The following CHST9 variants were observed in gnomAD, a reference collection of about 807,000 sequenced individuals.
CHST9 encodes the protein GalNAc-4-sulfotransferase 2.
Under a neutral mutation model 44.4 loss-of-function variants are expected in CHST9, and 41 were observed. The ratio of observed to expected loss-of-function variants is 0.92; its 90% CI spans 0.72 to 1.20. The LOEUF is 1.20. Ranked by LOEUF, CHST9 falls within the 50% of genes most tolerant of loss-of-function variation. The probability of loss-of-function intolerance (pLI) is 0.00; values close to 1 mark genes in which losing one functional copy is unlikely to be tolerated. For synonymous variants in CHST9, 171 were observed against 178.4 expected, an observed-to-expected ratio of 0.96 and a Z score of 0.33; for missense variants, 504 against 516.5, an observed-to-expected ratio of 0.98 and a Z score of 0.23.
chr18:27,022,783 G>A (rs2057241061), intron 4 of CHST9, among the ~76,000 whole-genome samples: 1 of 152,186 alleles, frequency 6.6e-6, no homozygotes, highest in African/African-American at 2.4e-5. Flanking sequence ...ATTTAACAGT[G>A]TATTCTGTGC....
intron 5 of CHST9, among the ~76,000 whole-genome samples, chr18:26,917,833 C>T (rs1048989366): frequency 4.0e-5 from 6 of 151,674 alleles, no homozygotes; most frequent in African/African-American, 1.5e-4. Flanking sequence ...TTATAAATCT[C>T]GATGACCACT....
At chr18:27,101,503 CG>C (rs1444512572) in intron 2 of CHST9, among the ~76,000 whole-genome samples, 2 of 39,716 alleles carry the variant, frequency 5.0e-5, no homozygotes, top group Admixed American at 3.3e-4. Context: ...TGAGGGTGGG[CG>C]GGGGCTGAGG....
intron 2 of CHST9, among the ~76,000 whole-genome samples, chr18:27,098,660 G>A (rs906350838): frequency 3.3e-5 from 5 of 152,070 alleles, no homozygotes; most frequent in African/African-American, 1.2e-4. Context: ...CAGGAACATG[G>A]ATGAAGCTAG....
intron 4 of CHST9, among the ~76,000 whole-genome samples, chr18:27,004,637 T>A (rs1430480039): frequency 2.0e-5 from 3 of 152,166 alleles, no homozygotes; most frequent in Non-Finnish European, 4.4e-5. Context: ...TGCCCCCTAG[T>A]GACAAGGTCC....
intron 1 of CHST9, among the ~76,000 whole-genome samples, chr18:27,143,239 T>A (rs1394330572): frequency 6.6e-6 from 1 of 152,124 alleles, no homozygotes; most frequent in Non-Finnish European, 1.5e-5. Context: ...AATAACAGAA[T>A]GGGTTGTTAA....
At chr18:26,965,246 A>G (rs1215501184) in intron 4 of CHST9, among the ~76,000 whole-genome samples, 1 of 152,186 alleles carries the variant, frequency 6.6e-6, no homozygotes, top group African/African-American at 2.4e-5. Context: ...GCGGCCTGCA[A>G]TGTGTTTCAT....
intron 1 of CHST9, among the ~76,000 whole-genome samples, chr18:27,163,578 T>C (rs1598771465): frequency 6.6e-6 from 1 of 152,172 alleles, no homozygotes; most frequent in South Asian, 2.1e-4. Flanking sequence ...GTGCTAGCAA[T>C]GAGCGAGGCT....
chr18:27,018,741 TCTAA>T (rs772125196), intron 4 of CHST9, among the ~76,000 whole-genome samples: 4 of 152,212 alleles, frequency 2.6e-5, no homozygotes, highest in Non-Finnish European at 5.9e-5. Context: ...CAGAAAAGTC[TCTAA>T]CTATCCTTTC....
At chr18:27,162,968 G>A (rs1359436020) in intron 1 of CHST9, among the ~76,000 whole-genome samples, 1 of 152,110 alleles carries the variant, frequency 6.6e-6, no homozygotes, top group Non-Finnish European at 1.5e-5. Flanking sequence ...CTTTGATGAT[G>A]GTGACGTACA....
chr18:26,920,935 C>A (rs170801), intron 5 of CHST9, among the ~76,000 whole-genome samples: 42,728 of 152,046 alleles, frequency 0.28, 6,272 homozygotes, highest in East Asian at 0.48. Context: ...GCCAGCAATC[C>A]GGATTTCCAG....
intron 1 of CHST9, among the ~76,000 whole-genome samples, chr18:27,154,804 C>T (rs148525805): frequency 1.3e-5 from 2 of 151,938 alleles, no homozygotes; most frequent in South Asian, 4.2e-4. Context: ...TCTATGTGGT[C>T]GGGTGTGGTG....
At chr18:27,012,954 C>T (rs2057103295) in intron 4 of CHST9, among the ~76,000 whole-genome samples, 1 of 152,102 alleles carries the variant, frequency 6.6e-6, no homozygotes, top group African/African-American at 2.4e-5. Flanking sequence ...ATACTGTGGC[C>T]TAACAGTGTG....
At position 26,909,561 on chromosome 18, in the gene CHST9, A is replaced by G. The variant is rs1425763304; in HGVS notation, c.*6698T>C. ...TAATATTGTTCTTTTAAGTTGGTAG[A>G]CACTCTAGCATTCTGAGTGCATTTT... On this transcript the variant is annotated 3_prime_UTR_variant, in exon 6 of 6. Transcript: ENST00000618847. 2.6e-5 allele frequency: 4 copies of G among 152,192 alleles called. No homozygotes were observed. Among genetic ancestry groups the G allele is most frequent in the African/African-American group, 4.8e-5 (2 of 41,444 alleles). The allele number at this position is 152,192 out of a possible 1,614,324, so 9.4% of individuals were successfully genotyped here.
intron 1 of CHST9, among the ~76,000 whole-genome samples, chr18:27,170,434 C>G (rs945989110): frequency 3.9e-5 from 6 of 152,124 alleles, no homozygotes; most frequent in African/African-American, 1.4e-4. Flanking sequence ...GTATTAAATG[C>G]CTGAGATATT....
At chr18:26,983,968 C>T (rs2056724077) in intron 4 of CHST9, among the ~76,000 whole-genome samples, 1 of 152,178 alleles carries the variant, frequency 6.6e-6, no homozygotes, top group Non-Finnish European at 1.5e-5. Flanking sequence ...AGGGTCAACC[C>T]CTCTTCACTC....
chr18:26,963,148 T>C (rs1423295359), intron 4 of CHST9, among the ~76,000 whole-genome samples: 1 of 152,172 alleles, frequency 6.6e-6, no homozygotes, highest in East Asian at 1.9e-4. Context: ...AAAACACTCA[T>C]GGGGTCATAT....
At chr18:26,939,295 G>A (rs1436858785) in intron 5 of CHST9, among the ~76,000 whole-genome samples, 2 of 152,188 alleles carry the variant, frequency 1.3e-5, no homozygotes, top group Non-Finnish European at 2.9e-5. Flanking sequence ...TGTACATGAA[G>A]AGAAGGGGAT....
intron 2 of CHST9, among the ~76,000 whole-genome samples, chr18:27,109,983 A>G (rs2058256422): frequency 6.6e-6 from 1 of 152,190 alleles, no homozygotes; most frequent in African/African-American, 2.4e-5. Flanking sequence ...TTATTTAGGT[A>G]TAAGCAGAGT....
intron 1 of CHST9, among the ~76,000 whole-genome samples, chr18:27,160,855 A>G (rs535815845): frequency 6.6e-6 from 1 of 152,348 alleles, no homozygotes; most frequent in East Asian, 1.9e-4. Flanking sequence ...GTATGTGTCC[A>G]GGAATGTATC....
Sources: allele counts gnomAD v4.1 joint callset (sites outside exome capture counted in the v4.1 genomes callset), GRCh38; gene constraint gnomAD v4.1.1; transcripts MANE v1.5; gene names NCBI Gene and HGNC (gene_info 2026-07-23, HGNC 2026-07-21).